FRMD4A: variants seen among roughly 807,000 people sequenced by gnomAD.
The protein encoded by FRMD4A is FERM domain-containing protein 4A.
A neutral mutation model predicts 129.1 loss-of-function variants in FRMD4A; 29 were observed. The observed-to-expected ratio is 0.22, with a 90% CI of 0.17 to 0.31. FRMD4A has a LOEUF of 0.31. Among genes scored for constraint, FRMD4A ranks in the 10% least tolerant of loss-of-function variants. The pLI is 1.00. For synonymous variants in FRMD4A, 634 were observed against 571.6 expected (o/e 1.11, Z -1.56); for missense variants, 1,272 against 1,375.8 (o/e 0.92, Z 1.19).
chr10:13,904,119 G>A (rs1265560497), intron 2 of FRMD4A, among the ~76,000 whole-genome samples: 1 of 152,172 alleles, frequency 6.6e-6, no homozygotes, highest in Admixed American at 6.5e-5. Flanking sequence ...TGGGGGCTGG[G>A]ACATGACAGT....
intron 2 of FRMD4A, among the ~76,000 whole-genome samples, chr10:13,891,473 CTG>C (rs1467318316): frequency 6.6e-6 from 1 of 151,848 alleles, no homozygotes; most frequent in Non-Finnish European, 1.5e-5. Flanking sequence ...CATTTAAAAA[CTG>C]TAACATACGC....
intron 2 of FRMD4A, among the ~76,000 whole-genome samples, chr10:14,061,819 G>T (rs571114726): frequency 6.6e-6 from 1 of 152,176 alleles, no homozygotes; most frequent in Non-Finnish European, 1.5e-5. Context: ...AAGCCAATAC[G>T]TTGAAGATAC....
intron 3 of FRMD4A, 44 bp downstream of exon 3, chr10:13,858,803 T>C (rs757903023): frequency 2.7e-6 from 3 of 1,092,306 alleles, no homozygotes; most frequent in Non-Finnish European, 4.3e-6. Flanking sequence ...TGAAACCACA[T>C]CAGTCACCAA....
chr10:14,088,161 G>T (rs1314581411), intron 2 of FRMD4A, among the ~76,000 whole-genome samples: 2 of 152,070 alleles, frequency 1.3e-5, no homozygotes, highest in Admixed American at 1.3e-4. Flanking sequence ...ATGTGGCTGA[G>T]AAAACAGAAA....
chr10:13,984,635 T>G (rs2095574538), intron 2 of FRMD4A, among the ~76,000 whole-genome samples: 1 of 152,230 alleles, frequency 6.6e-6, no homozygotes, highest in South Asian at 2.1e-4. Flanking sequence ...TATTATTTGT[T>G]TTTTTGTGAC....
At chr10:13,700,820 CTTTTT>C (rs71503097) in intron 14 of FRMD4A, among the ~76,000 whole-genome samples, 15 of 44,706 alleles carry the variant, frequency 3.4e-4, no homozygotes, top group Admixed American at 9.0e-4. Flanking sequence ...AGGGTAGTTG[CTTTTT>C]TTTTTTTTTT....
At chr10:13,882,193 G>T (rs1007583718) in intron 2 of FRMD4A, among the ~76,000 whole-genome samples, 2 of 152,068 alleles carry the variant, frequency 1.3e-5, no homozygotes, top group African/African-American at 4.8e-5. Flanking sequence ...CTGGCCAAAG[G>T]ATAAGCTGTG....
intron 2 of FRMD4A, among the ~76,000 whole-genome samples, chr10:13,977,411 G>A (rs1169267750): frequency 6.6e-6 from 1 of 152,180 alleles, no homozygotes. Context: ...AAAATGCTGG[G>A]TAGCAGTAGT....
At chr10:13,977,780 A>G (rs2095547102) in intron 2 of FRMD4A, among the ~76,000 whole-genome samples, 1 of 152,164 alleles carries the variant, frequency 6.6e-6, no homozygotes, top group South Asian at 2.1e-4. Flanking sequence ...TCTTTCACTT[A>G]GCGTAATGTT....
intron 2 of FRMD4A, among the ~76,000 whole-genome samples, chr10:13,951,726 C>T (rs1213842806): frequency 6.6e-6 from 1 of 151,720 alleles, no homozygotes; most frequent in Non-Finnish European, 1.5e-5. Flanking sequence ...CCCGTCTCTA[C>T]TAAAAATACA....
rs11258990 is a variant in FRMD4A at position 14,274,746 on chromosome 10, G to A, written c.45+55312C>T. 6.3e-3 allele frequency among the ~76,000 whole-genome samples: 963 copies of A among 152,256 alleles called. 11 individuals are homozygous for A. The highest frequency in any genetic ancestry group is 0.05 in the South Asian group (241 of 4,822). ...GATCATTAATGTATTGCTCAGCCAG[G>A]TGTATTTTTCAAATGCCTCCTGTCC... is the stretch of plus-strand genomic sequence containing the variant. On this transcript the variant is annotated intron_variant, in intron 2 of 24. Transcript: ENST00000357447.
intron 2 of FRMD4A, among the ~76,000 whole-genome samples, chr10:14,020,832 A>G (rs1832712082): frequency 6.6e-6 from 1 of 152,116 alleles, no homozygotes; most frequent in Admixed American, 6.5e-5. Flanking sequence ...CAAGGGGGAA[A>G]GGTTAGGGAG....
At chr10:14,124,696 C>CAACAA (rs1478116183) in intron 2 of FRMD4A, among the ~76,000 whole-genome samples, 4 of 152,084 alleles carry the variant, frequency 2.6e-5, no homozygotes, top group Admixed American at 1.3e-4. Context: ...ACAACAACAA[C>CAACAA]AACAAAACAA....
intron 2 of FRMD4A, among the ~76,000 whole-genome samples, chr10:13,919,973 T>A (rs2610816): frequency 1 from 152,258 of 152,348 alleles, 76,084 homozygotes; most frequent in Middle Eastern, 1. Context: ...ACAAACAAAC[T>A]AACACAATTG....
intron 4 of FRMD4A, among the ~76,000 whole-genome samples, chr10:13,809,916 C>A (rs2093417843): frequency 6.6e-6 from 1 of 152,250 alleles, no homozygotes; most frequent in African/African-American, 2.4e-5. Flanking sequence ...CTGGTTGCCT[C>A]TCTCACTGGC....
At chr10:13,695,194 G>A (rs770443596) in intron 14 of FRMD4A, among the ~76,000 whole-genome samples, 3 of 151,684 alleles carry the variant, frequency 2.0e-5, no homozygotes, top group Non-Finnish European at 4.4e-5. Flanking sequence ...AGGCTGGAGT[G>A]CAGTGGCCCA....
rs1291584075 is a variant in FRMD4A at position 13,821,861 on chromosome 10, G to A, written c.112-10953C>T. 3.9e-5 allele frequency among the ~76,000 whole-genome samples: 6 copies of A among 152,176 alleles called. No homozygotes were observed. The highest frequency in any genetic ancestry group is 1.2e-4 in the African/African-American group (5 of 41,450). ...AGGAGGCCAGAAACCTGTCCAGGAC[G>A]AGGGTGGGCACCTTGGTTACCAGCA... On this transcript the variant is annotated intron_variant, in intron 3 of 24. Coordinates refer to ENST00000357447, the MANE Select transcript of FRMD4A (RefSeq NM_018027.5). This position sits in a 1 kb window ranked among gnomAD's most constrained non-coding sequence, Gnocchi z 4.3.
intron 2 of FRMD4A, among the ~76,000 whole-genome samples, chr10:13,944,288 C>T (rs1037287754): frequency 4.7e-5 from 7 of 147,868 alleles, no homozygotes; most frequent in African/African-American, 9.8e-5. Context: ...CACAGGAGCA[C>T]GAACCCTGTT....
At chr10:14,000,739 G>C (rs1218384191) in intron 2 of FRMD4A, among the ~76,000 whole-genome samples, 1 of 148,942 alleles carries the variant, frequency 6.7e-6, no homozygotes, top group Admixed American at 6.7e-5. Context: ...CAATATGGCA[G>C]ATTGAAAGAC....
Sources: allele counts gnomAD v4.1 joint callset (sites outside exome capture counted in the v4.1 genomes callset), GRCh38; gene constraint gnomAD v4.1.1; non-coding constraint Gnocchi (gnomAD v3.1); transcripts MANE v1.5; gene names NCBI Gene and HGNC (gene_info 2026-07-23, HGNC 2026-07-21).